Variants in COG4 observed in about 807,000 individuals in gnomAD.
COG4 encodes conserved oligomeric Golgi complex subunit 4.
Under a neutral mutation model 95.1 loss-of-function variants are expected in COG4, and 65 were observed. The ratio of observed to expected loss-of-function variants is 0.68; its 90% confidence interval spans 0.56 to 0.84. The LOEUF (loss-of-function observed/expected upper bound fraction) is 0.84. COG4 is among the 40% of genes least tolerant of loss of function. COG4 has a pLI of 0.00. For synonymous variants in COG4, 421 were observed against 374.8 expected, an observed-to-expected ratio of 1.12 and a Z score of -1.42; for missense variants, 1,045 against 989.1, an observed-to-expected ratio of 1.06 and a Z score of -0.76.
At chr16:70,510,896 T>C (rs2049690075) in intron 5 of COG4, among the ~76,000 whole-genome samples, 1 of 152,040 alleles carries the variant, frequency 6.6e-6, no homozygotes, top group African/African-American at 2.4e-5. Flanking sequence ...CCCGAGTGGT[T>C]GGGCTTACAG....
At chr16:70,485,587 G>GTTT (rs764600650) in intron 13 of COG4, among the ~76,000 whole-genome samples, 3 of 124,140 alleles carry the variant, frequency 2.4e-5, no homozygotes, top group Non-Finnish European at 5.1e-5. Flanking sequence ...TGTTTTTTTT[G>GTTT]TTTTTTTTTT....
rs1407360913 is a variant in COG4, at chr16:70,507,192, C to A, written c.1061+1214G>T. Among the ~76,000 whole-genome samples the A allele has an allele frequency of 5.3e-5, 8 of 152,154 alleles. No individual in the cohort carries two copies. In the East Asian group the frequency reaches 1.5e-3, roughly 29 times the overall value. On this transcript the variant is annotated intron_variant, in intron 8 of 18. Coordinates refer to ENST00000323786, the MANE Select transcript of COG4 (RefSeq NM_015386.3). Reference sequence around the variant, plus strand: ...GGTCAAGGCTGCAGTGAGCCAGGATCATACCACCGTACTGCAGTCTGGCCT... The same window carrying A: ...GGTCAAGGCTGCAGTGAGCCAGGATAATACCACCGTACTGCAGTCTGGCCT...
intron 17 of COG4, 63 bp from the exon 18 acceptor site, chr16:70,481,550 G>A: frequency 6.2e-7 from 1 of 1,607,184 alleles, no homozygotes. Flanking sequence ...GCCTCCAGTT[G>A]CCCCCAGAGC....
In COG4 at chr16:70,482,165, T is replaced by C. The variant is rs144763147; in HGVS notation, c.1931A>G (p.Asn644Ser). The change falls in exon 16 of 19, where the codon AAT (asparagine) becomes AGT (serine). Residue 644 changes from asparagine (N) to serine (S), a missense_variant. Physicochemically the swap from Asn to Ser is conservative, Grantham distance 46. Coordinates refer to ENST00000323786, the MANE Select transcript of COG4 (RefSeq NM_015386.3). ...VSHNIEEEEF[N>S]DYEANDPWVQ... The stretch of plus-strand genomic sequence containing the variant: ...CCAAGGGTCGTTGGCCTCATAGTCA[T>C]TGAATTCTTCCTGTTGTCAGGAAGC... 3.7e-5 allele frequency: 59 copies of C among 1,612,518 alleles called. No individual in the cohort carries two copies. Among genetic ancestry groups the C allele is most frequent in the African/African-American group, 2.1e-4 (16 of 74,876 alleles).
chr16:70,504,844 T>C (rs1055876945), intron 8 of COG4, among the ~76,000 whole-genome samples: 6 of 147,438 alleles, frequency 4.1e-5, no homozygotes, highest in African/African-American at 1.5e-4. Flanking sequence ...CCGGGAGGCG[T>C]AGGTTGCAGT....
At chr16:70,517,169 G>A (rs2049839161) in intron 3 of COG4, among the ~76,000 whole-genome samples, 1 of 152,068 alleles carries the variant, frequency 6.6e-6, no homozygotes, top group South Asian at 2.1e-4. Flanking sequence ...AAAGTGATGG[G>A]ATTGTAGGTG....
intron 9 of COG4, 57 bp downstream of exon 9, chr16:70,500,901 A>T: frequency 6.2e-7 from 1 of 1,604,492 alleles, no homozygotes; most frequent in Non-Finnish European, 8.5e-7. Flanking sequence ...CTTAACTATT[A>T]AGAAACACTG....
intron 13 of COG4, among the ~76,000 whole-genome samples, chr16:70,487,173 C>T (rs1234858242): frequency 6.6e-6 from 1 of 150,408 alleles, no homozygotes; most frequent in African/African-American, 2.5e-5. Context: ...TGCCTGTAAT[C>T]CCAGCAACTT....
intron 13 of COG4, among the ~76,000 whole-genome samples, chr16:70,485,448 C>A (rs2049108759): frequency 6.6e-6 from 1 of 151,720 alleles, no homozygotes; most frequent in African/African-American, 2.4e-5. Context: ...AGGTGATCCA[C>A]CCGCCTCAGC....
chr16:70,503,554 C>A (rs988604841), intron 8 of COG4, among the ~76,000 whole-genome samples: 5 of 151,794 alleles, frequency 3.3e-5, no homozygotes, highest in Non-Finnish European at 7.4e-5. Flanking sequence ...GCTTTCCTTG[C>A]TCTATCTGGA....
chr16:70,501,105 A>T lies in COG4; in HGVS notation c.1062-14T>A. ...GGGTCCAGTTCTCTGAGACACATGG[A>T]GCAGAAGGAATAGGACGACAATGGA... On this transcript the variant is annotated splice_polypyrimidine_tract_variant and intron_variant, in intron 8 of 18. Coordinates refer to ENST00000323786, the MANE Select transcript of COG4 (RefSeq NM_015386.3). The T allele has an allele frequency of 6.2e-7, 1 of 1,612,242 alleles. No individual in the cohort carries two copies. The highest frequency in any genetic ancestry group is 8.5e-7 in the Non-Finnish European group (1 of 1,179,930).
rs537200410 is a variant in COG4 at position 70,497,898 on chromosome 16, C to T, written c.1314+39G>A. 4.9e-5 allele frequency: 58 copies of T among 1,193,288 alleles called. No individual in the cohort carries two copies. The Middle Eastern group carries it at 5.7e-4, about 12-fold the overall frequency. 73.9% of individuals were successfully genotyped at this position (1,193,288 alleles called of 1,614,324 possible). Reference sequence around the variant, plus strand: ...TTTCCCTCAGCCTGGCTTCTTGGACCGGAAGCCCCATTTCCAAGAGATGCG... The same window carrying T: ...TTTCCCTCAGCCTGGCTTCTTGGACTGGAAGCCCCATTTCCAAGAGATGCG... On this transcript the variant is annotated intron_variant, in intron 10 of 18. Transcript: ENST00000323786.
chr16:70,482,171 T>A lies in COG4; in HGVS notation c.1925A>T (p.Glu642Val). 6.2e-7 allele frequency: 1 copy of A among 1,610,522 alleles called. No individual in the cohort carries two copies. Among genetic ancestry groups the A allele is most frequent in the Non-Finnish European group, 8.5e-7 (1 of 1,176,736 alleles). ...GTCGTTGGCCTCATAGTCATTGAAT[T>A]CTTCCTGTTGTCAGGAAGCAGGGCT... ...FSVSHNIEEE[E>V]FNDYEANDPW... is the part of the protein sequence containing the mutation. The change falls in exon 16 of 19, where the codon GAA (glutamate) becomes GTA (valine). Residue 642 changes from glutamate (E) to valine (V), a missense_variant. By Grantham distance (121) the Glu-to-Val change is moderately radical. Coordinates refer to ENST00000323786, the MANE Select transcript of COG4 (RefSeq NM_015386.3).
chr16:70,501,094 G>C lies in COG4; in HGVS notation c.1062-3C>G. The C allele has an allele frequency of 6.2e-7, 1 of 1,612,860 alleles. No individual in the cohort carries two copies. Among genetic ancestry groups the C allele is most frequent in the Non-Finnish European group, 8.5e-7 (1 of 1,179,980 alleles). On this transcript the variant is annotated splice_region_variant and splice_polypyrimidine_tract_variant and intron_variant, in intron 8 of 18. Coordinates refer to ENST00000323786, the MANE Select transcript of COG4 (RefSeq NM_015386.3). The stretch of plus-strand genomic sequence containing the variant: ...CAGTCAGGATGGGGTCCAGTTCTCT[G>C]AGACACATGGAGCAGAAGGAATAGG...
intron 9 of COG4, 27 bp downstream of exon 9, chr16:70,500,931 C>A: frequency 6.2e-6 from 10 of 1,613,782 alleles, no homozygotes; most frequent in Non-Finnish European, 6.8e-6. Flanking sequence ...CCTCAACCCT[C>A]CCCAAAAATA....
In COG4 at chr16:70,521,614, G is replaced by A. The variant is rs141753858; in HGVS notation, c.171+1759C>T. ...ACAAATACAGTACTTATATCATTTT[G>A]TCTGTAAGATTTCCATAATTTTCCA... is the stretch of plus-strand genomic sequence containing the variant. On this transcript the variant is annotated intron_variant, in intron 1 of 18. Transcript: ENST00000323786. 5.8e-4 allele frequency among the ~76,000 whole-genome samples: 88 copies of A among 151,748 alleles called. No homozygotes were observed. In the East Asian group the frequency reaches 0.016, roughly 27 times the overall value.
intron 6 of COG4, 128 bp downstream of exon 6, chr16:70,509,787 CA>C (rs2049659637): frequency 1.4e-6 from 1 of 738,262 alleles, no homozygotes; most frequent in African/African-American, 1.7e-5. Context: ...TTTAATTCTC[CA>C]ATCAATTAAT....
chr16:70,522,067 G>T (rs976573747), intron 1 of COG4, among the ~76,000 whole-genome samples: 1 of 146,538 alleles, frequency 6.8e-6, no homozygotes, highest in Non-Finnish European at 1.5e-5. Flanking sequence ...GCGCTATCTT[G>T]GTTCACTGCA....
At chr16:70,491,824 C>CAAAAAAAAAAAAAAAAAAAAAAAAAA (rs772831502) in intron 12 of COG4, among the ~76,000 whole-genome samples, 1 of 59,346 alleles carries the variant, frequency 1.7e-5, no homozygotes, top group Non-Finnish European at 4.2e-5. Context: ...AACTACGTCT[C>CAAAAAAAAAAAAAAAAAAAAAAAAAA]AAAAAAAAAA....
Sources: gnomAD v4.1 joint callset for allele counts (sites outside exome capture counted in the v4.1 genomes callset) on GRCh38, gnomAD v4.1.1 for gene constraint, MANE v1.5 for transcripts, NCBI Gene and HGNC (gene_info 2026-07-23, HGNC 2026-07-21) for gene names.